The following ZNF490 variants were observed in gnomAD, a reference collection of about 807,000 sequenced individuals.
ZNF490 encodes zinc finger protein 490.
A neutral mutation model predicts 17.7 loss-of-function variants in ZNF490; 11 were observed. The ratio of observed to expected loss-of-function variants is 0.62; its 90% CI spans 0.39 to 1.03. ZNF490 has a LOEUF of 1.03. Ranked by LOEUF, ZNF490 falls within the 50% of genes least tolerant of loss-of-function variation. ZNF490 has a pLI of 0.00. For missense variants in ZNF490, 542 were observed against 643.4 expected, an observed-to-expected ratio of 0.84 and a Z score of 1.71; for synonymous variants, 222 against 216.1, an observed-to-expected ratio of 1.03 and a Z score of -0.24.
At chr19:12,593,453 T>C (rs913299873) in intron 2 of ZNF490, among the ~76,000 whole-genome samples, 5 of 152,104 alleles carry the variant, frequency 3.3e-5, no homozygotes, top group Admixed American at 6.6e-5. Context: ...TTTCTCCATG[T>C]TGGCCAGGCT....
intron 2 of ZNF490, among the ~76,000 whole-genome samples, chr19:12,602,462 A>C (rs2023019635): frequency 6.6e-6 from 1 of 152,040 alleles, no homozygotes. Flanking sequence ...AGGCAGGAGA[A>C]TCACTTAAAC....
intron 2 of ZNF490, among the ~76,000 whole-genome samples, chr19:12,585,916 T>C (rs2022803822): frequency 1.1e-5 from 1 of 92,778 alleles, no homozygotes; most frequent in African/African-American, 3.2e-5. Context: ...GGTGTCGAAC[T>C]CCTACCTCAA....
rs1348201649 is a variant in ZNF490 at position 12,581,066 on chromosome 19, T to A, written c.1009A>T (p.Arg337Trp). 6.2e-7 allele frequency: 1 copy of A among 1,614,074 alleles called. No individual in the cohort carries two copies. Among genetic ancestry groups the A allele is most frequent in the South Asian group, 1.1e-5 (1 of 91,080 alleles). The change falls in exon 5 of 5, where the codon AGG becomes TGG. Residue 337 changes from arginine (R) to tryptophan (W), a missense_variant. By Grantham distance (101) the Arg-to-Trp change is moderately radical (BLOSUM62 -3). Transcript: ENST00000311437. ...THTGEKPFVC[R>W]ECGRAFFSHS... ...GAAAAGAAGGCTCTCCCACATTCCCTACATACAAAAGGTTTCTCTCCAGTA... is the reference window on the plus strand; with the variant it reads ...GAAAAGAAGGCTCTCCCACATTCCCAACATACAAAAGGTTTCTCTCCAGTA...
At chr19:12,583,275 T>A (rs12461643) in intron 3 of ZNF490, among the ~76,000 whole-genome samples, 155 bp downstream of exon 3, 2 of 151,782 alleles carry the variant, frequency 1.3e-5, no homozygotes, top group Non-Finnish European at 2.9e-5. Flanking sequence ...TCCTGACCTC[T>A]TAATCCGCCC....
intron 1 of ZNF490, among the ~76,000 whole-genome samples, 177 bp downstream of exon 1, chr19:12,610,387 T>A (rs567012119): frequency 6.6e-6 from 1 of 151,318 alleles, no homozygotes; most frequent in African/African-American, 2.4e-5. Flanking sequence ...GTTCCTTTTC[T>A]AAAGTGCCAA....
intron 2 of ZNF490, among the ~76,000 whole-genome samples, chr19:12,589,814 T>C (rs2022845709): frequency 6.6e-6 from 1 of 152,126 alleles, no homozygotes; most frequent in African/African-American, 2.4e-5. Context: ...AAACTAGATG[T>C]TTTCCCAGTA....
chr19:12,577,625 C>A lies in ZNF490; in HGVS notation c.*2860G>T. ...ACAGTAGCCGTCACTTCCACTGAGG[C>A]CTCATCTGCCAGCAAACCTTGCTCC... On this transcript the variant is annotated 3_prime_UTR_variant, in exon 5 of 5. Transcript: ENST00000311437. 1.0e-6 allele frequency: 1 copy of A among 985,490 alleles called. No homozygotes were observed. Among genetic ancestry groups the A allele is most frequent in the Non-Finnish European group, 1.2e-6 (1 of 829,970 alleles). The allele number at this position is 985,490 out of a possible 1,614,324, so 61.0% of individuals were successfully genotyped here.
rs1475457635 is a variant in ZNF490, at chr19:12,580,884, T to G, written c.1191A>C (p.Lys397Asn). 6.2e-7 allele frequency: 1 copy of G among 1,614,228 alleles called. No individual in the cohort carries two copies. Among genetic ancestry groups the G allele is most frequent in the Non-Finnish European group, 8.5e-7 (1 of 1,180,036 alleles). Reference sequence around the variant, plus strand: ...GAAGGTAACTTGAAGAATTGAAGGCTTTACCACATTGTTTACATTCATAGG... The same window carrying G: ...GAAGGTAACTTGAAGAATTGAAGGCGTTACCACATTGTTTACATTCATAGG... ...EKPYECKQCGKAFNSSSYLQL... is the reference protein window; with the variant it reads ...EKPYECKQCGNAFNSSSYLQL... The change falls in exon 5 of 5, where the codon AAA (lysine) becomes AAC (asparagine). Residue 397 changes from lysine to asparagine, a missense_variant. Transcript: ENST00000311437.
chr19:12,609,279 G>T, intron 1 of ZNF490, 77 bp from the exon 2 acceptor site: 2 of 1,316,928 alleles, frequency 1.5e-6, no homozygotes, highest in Non-Finnish European at 2.2e-6. Flanking sequence ...AGCCTTGGAA[G>T]CATTGTTCCC....
chr19:12,595,326 G>T (rs568393719), intron 2 of ZNF490, among the ~76,000 whole-genome samples: 3 of 151,990 alleles, frequency 2.0e-5, no homozygotes, highest in Non-Finnish European at 4.4e-5. Context: ...TAGAGAAGGG[G>T]GTTTCTCCAT....
Position 12,578,323 on chromosome 19 carries a change from A to G in ZNF490, c.*2162T>C. ...GGCAGAGTGTGTCTGTGACTCCACT[A>G]GCAGTTTTGAGATTATTCTGACTGT... On this transcript the variant is annotated 3_prime_UTR_variant, in exon 5 of 5. Coordinates refer to ENST00000311437, the MANE Select transcript of ZNF490 (RefSeq NM_020714.3). 1.0e-6 allele frequency: 1 copy of G among 985,608 alleles called. No individual in the cohort carries two copies. The highest frequency in any genetic ancestry group is 1.2e-6 in the Non-Finnish European group (1 of 830,032). 61.1% of individuals were successfully genotyped at this position (985,608 alleles called of 1,614,324 possible). A position where few individuals can be genotyped will look rare whatever the true frequency, so the allele number is the denominator to read the frequency against.
intron 2 of ZNF490, among the ~76,000 whole-genome samples, chr19:12,594,586 C>A (rs1381325739): frequency 6.6e-6 from 1 of 152,094 alleles, no homozygotes; most frequent in East Asian, 1.9e-4. Flanking sequence ...TAGCGATATC[C>A]GGGCAATGAT....
chr19:12,583,658 C>T (rs1478793373), intron 2 of ZNF490, 102 bp from the exon 3 acceptor site: 12 of 1,264,072 alleles, frequency 9.5e-6, no homozygotes, highest in African/African-American at 7.7e-5. Context: ...CCTGTAGTCT[C>T]GGTTTAGTGG....
chr19:12,581,424 A>G lies in ZNF490; in HGVS notation c.651T>C (p.Thr217=). ...CCTTACATTCATAGGGTTTCTCTCC[A>G]GTGTGAATTCTTTCATGGGTTCGAA... ...SSIRTHERIH[T]GEKPYECKEC... is the part of the protein sequence containing the mutation. Residue 217 remains threonine (T), a synonymous_variant, in exon 5 of 5, where the codon ACT becomes ACC. Coordinates refer to ENST00000311437, the MANE Select transcript of ZNF490 (RefSeq NM_020714.3). 6.2e-7 allele frequency: 1 copy of G among 1,614,238 alleles called. No homozygotes were observed. Among genetic ancestry groups the G allele is most frequent in the Non-Finnish European group, 8.5e-7 (1 of 1,180,038 alleles).
chr19:12,582,649 CT>C (rs1351361348), intron 4 of ZNF490, among the ~76,000 whole-genome samples, 200 bp downstream of exon 4: 1 of 152,172 alleles, frequency 6.6e-6, no homozygotes, highest in African/African-American at 2.4e-5. Context: ...TGGCCTCAGC[CT>C]CCCAAAGTGC....
In ZNF490 at chr19:12,580,768, T is replaced by G; in HGVS notation, c.1307A>C (p.His436Pro). Reference protein sequence around the residue: ...AFLYSTHFRIHERTHTREKPY... With the variant: ...AFLYSTHFRIPERTHTREKPY... ...TTTCTCTCTAGTATGGGTTCTTTCATGGATTCGAAAGTGAGTGGAATAAAG... is the reference window on the plus strand; with the variant it reads ...TTTCTCTCTAGTATGGGTTCTTTCAGGGATTCGAAAGTGAGTGGAATAAAG... Residue 436 changes from histidine to proline, a missense_variant, in exon 5 of 5, where the codon CAT becomes CCT. Transcript: ENST00000311437. The G allele has an allele frequency of 6.2e-7, 1 of 1,614,242 alleles. No individual in the cohort carries two copies. The highest frequency in any genetic ancestry group is 8.5e-7 in the Non-Finnish European group (1 of 1,180,044).
intron 2 of ZNF490, among the ~76,000 whole-genome samples, chr19:12,602,101 CACACACACACACACACACACACACACAT>C (rs1351973476): frequency 1.3e-5 from 2 of 150,180 alleles, no homozygotes; most frequent in East Asian, 2.0e-4. Flanking sequence ...CACACACACA[CACACACACACACACACACACACACACAT>C]ATATGGGCCT....
At position 12,593,732 on chromosome 19, in the gene ZNF490, C is replaced by T. The variant is rs75895884; in HGVS notation, c.163-10176G>A. ...ATTAAGGGATAAAAAGCAGCAGCTC[C>T]AACATGTACAAATGTGGCCATGTCA... On this transcript the variant is annotated intron_variant, in intron 2 of 4. Transcript: ENST00000311437. 6.9e-3 allele frequency among the ~76,000 whole-genome samples: 1,044 copies of T among 152,230 alleles called. 8 individuals carry two copies. Among genetic ancestry groups the T allele is most frequent in the Non-Finnish European group, 8.8e-3 (598 of 68,026 alleles).
In ZNF490 at chr19:12,583,461, C is replaced by T; in HGVS notation, c.258G>A (p.Met86Ile). The stretch of plus-strand genomic sequence containing the variant: ...AGGCCAGGTTCTTGAAGGTTGCCCG[C>T]ATCACATCTCTGTAGATATTCCTCT... ...PGQRNIYRDV[M>I]RATFKNLACI... is the part of the protein sequence containing the mutation. Residue 86 changes from methionine (M) to isoleucine (I), a missense_variant, in exon 3 of 5, where the codon ATG (methionine) becomes ATA (isoleucine). Physicochemically the swap from Met to Ile is conservative, Grantham distance 10. Coordinates refer to ENST00000311437, the MANE Select transcript of ZNF490 (RefSeq NM_020714.3). 1.2e-6 allele frequency: 2 copies of T among 1,606,266 alleles called. No individual in the cohort carries two copies. Among genetic ancestry groups the T allele is most frequent in the Non-Finnish European group, 1.7e-6 (2 of 1,175,018 alleles).
Sources: gnomAD v4.1 joint callset for allele counts (sites outside exome capture counted in the v4.1 genomes callset) on GRCh38, gnomAD v4.1.1 for gene constraint, MANE v1.5 for transcripts, NCBI Gene and HGNC (gene_info 2026-07-23, HGNC 2026-07-21) for gene names.